LRRC4C: variants seen among roughly 807,000 people sequenced by gnomAD.
LRRC4C encodes leucine-rich repeat-containing protein 4C.
LRRC4C carries 5 observed loss-of-function variants against 33.6 expected under a neutral mutation model. The ratio of observed to expected loss-of-function variants is 0.15; its 90% CI spans 0.08 to 0.31. The LOEUF (loss-of-function observed/expected upper bound fraction) is 0.31, where lower values mean the gene tolerates loss of function less well. Ranked by LOEUF, LRRC4C falls within the 10% of genes least tolerant of loss-of-function variation. The pLI, the probability that LRRC4C is intolerant of heterozygous loss-of-function variation, is 1.00. For synonymous variants in LRRC4C, 329 were observed against 302.0 expected (o/e 1.09, Z -0.93); for missense variants, 560 against 796.7 (o/e 0.70, Z 3.58).
At position 40,562,885 on chromosome 11, in the gene LRRC4C, A is replaced by C. The variant is rs544638678; in HGVS notation, c.-270+85257T>G. Among the ~76,000 whole-genome samples the C allele has an allele frequency of 2.0e-5, 3 of 151,108 alleles. No homozygotes were observed. In the South Asian group the frequency reaches 6.3e-4, roughly 32 times the overall value. ...CCTCATGTCTGACTGAGGCTTTCTT[A>C]GCGTGGCACTCTGTGTGGGGCTCTT... On this transcript the variant is annotated intron_variant, in intron 3 of 6. Coordinates refer to ENST00000528697, the MANE Select transcript of LRRC4C (RefSeq NM_001258419.2).
At chr11:41,329,555 T>A (rs1353976028) in intron 1 of LRRC4C, among the ~76,000 whole-genome samples, 2 of 152,254 alleles carry the variant, frequency 1.3e-5, no homozygotes, top group African/African-American at 4.8e-5. Context: ...CACATTGTGG[T>A]GTTTTTCAAA....
intron 3 of LRRC4C, among the ~76,000 whole-genome samples, chr11:40,344,500 A>G (rs1164028902): frequency 6.6e-6 from 1 of 152,116 alleles, no homozygotes; most frequent in Non-Finnish European, 1.5e-5. Flanking sequence ...AAAAGAATAT[A>G]CTCCAAAATA....
rs201131448 is a variant in LRRC4C, at chr11:40,858,692, TAA to T, written c.-407+74941_-407+74942del. 9.1e-3 allele frequency among the ~76,000 whole-genome samples: 728 copies of T among 80,140 alleles called. 9 individuals carry two copies. The highest frequency in any genetic ancestry group is 0.036 in the African/African-American group (668 of 18,406). The allele number at this position is 80,140 out of a possible 152,430, so 52.6% of individuals were successfully genotyped here. A position where few individuals can be genotyped will look rare whatever the true frequency, so the allele number is the denominator to read the frequency against. ...CTGGTAACAGAGTGAGACTCCTTCT[TAA>T]AAAAAAAAAAAAAAAAAAAAAAAAG... On this transcript the variant is annotated intron_variant, in intron 2 of 6. Coordinates refer to ENST00000528697, the MANE Select transcript of LRRC4C (RefSeq NM_001258419.2).
intron 1 of LRRC4C, among the ~76,000 whole-genome samples, chr11:41,145,445 G>A (rs548801469): frequency 8.0e-6 from 1 of 125,030 alleles, no homozygotes; most frequent in Non-Finnish European, 1.9e-5. Context: ...GGTCAAAATT[G>A]TGCCTGCTGC....
chr11:40,218,648 A>ATCTATCTATCTATCTATCTG (rs1864164456), intron 5 of LRRC4C, among the ~76,000 whole-genome samples: 1 of 148,782 alleles, frequency 6.7e-6, no homozygotes, highest in South Asian at 2.1e-4. Context: ...CTATTTATCT[A>ATCTATCTATCTATCTATCTG]TCTATCATCT....
chr11:41,105,733 G>T (rs1247951160), intron 1 of LRRC4C, among the ~76,000 whole-genome samples: 2 of 152,060 alleles, frequency 1.3e-5, no homozygotes, highest in African/African-American at 4.8e-5. Flanking sequence ...GAGAGATTGT[G>T]TTGGAAATTT....
intron 2 of LRRC4C, among the ~76,000 whole-genome samples, chr11:40,932,783 A>G (rs1287391290): frequency 6.6e-6 from 1 of 152,158 alleles, no homozygotes; most frequent in Non-Finnish European, 1.5e-5. Context: ...GTTTGAGCCC[A>G]TGGAGAATAG....
At chr11:40,794,418 G>A (rs1445780671) in intron 2 of LRRC4C, among the ~76,000 whole-genome samples, 1 of 149,208 alleles carries the variant, frequency 6.7e-6, no homozygotes, top group East Asian at 2.0e-4. Context: ...GACAGGGATC[G>A]GAGGATAAAG....
intron 1 of LRRC4C, among the ~76,000 whole-genome samples, chr11:41,278,650 T>C (rs1310847185): frequency 2.0e-5 from 3 of 152,212 alleles, no homozygotes; most frequent in African/African-American, 4.8e-5. Context: ...TCTCGGACTT[T>C]GCATTTCCAT....
chr11:40,257,065 C>T (rs1411344392), intron 4 of LRRC4C, among the ~76,000 whole-genome samples: 1 of 152,058 alleles, frequency 6.6e-6, no homozygotes, highest in Non-Finnish European at 1.5e-5. Context: ...TGTTTTTTGG[C>T]TCTTGTATTT....
intron 1 of LRRC4C, among the ~76,000 whole-genome samples, chr11:41,209,390 G>A (rs1946728689): frequency 6.6e-6 from 1 of 151,754 alleles, no homozygotes; most frequent in Non-Finnish European, 1.5e-5. Flanking sequence ...TCTCACCGTT[G>A]TATTTTAGAA....
At chr11:40,366,740 C>T (rs1247859960) in intron 3 of LRRC4C, among the ~76,000 whole-genome samples, 1 of 151,944 alleles carries the variant, frequency 6.6e-6, no homozygotes, top group Non-Finnish European at 1.5e-5. Flanking sequence ...TAAAGGAAGA[C>T]AGACACAATG....
chr11:40,569,660 T>C (rs1957903730), intron 3 of LRRC4C, among the ~76,000 whole-genome samples: 1 of 152,140 alleles, frequency 6.6e-6, no homozygotes, highest in Non-Finnish European at 1.5e-5. Context: ...AGTTTGATGA[T>C]TAAATGATAT....
At chr11:41,170,480 G>A (rs982352579) in intron 1 of LRRC4C, among the ~76,000 whole-genome samples, 4 of 152,048 alleles carry the variant, frequency 2.6e-5, no homozygotes, top group Admixed American at 1.3e-4. Flanking sequence ...TCTTTGACAA[G>A]CCTGACAAAA....
intron 1 of LRRC4C, among the ~76,000 whole-genome samples, chr11:41,172,430 A>G (rs1414926754): frequency 6.6e-6 from 1 of 152,132 alleles, no homozygotes; most frequent in Non-Finnish European, 1.5e-5. Context: ...CAATCACAAA[A>G]CCATTCTGAG....
chr11:40,463,221 A>G (rs1240256540), intron 3 of LRRC4C, among the ~76,000 whole-genome samples: 1 of 152,042 alleles, frequency 6.6e-6, no homozygotes, highest in Non-Finnish European at 1.5e-5. Context: ...TATTAGAGGC[A>G]TAGAAGTACA....
intron 3 of LRRC4C, among the ~76,000 whole-genome samples, chr11:40,506,133 G>A (rs1020982509): frequency 6.6e-6 from 1 of 152,108 alleles, no homozygotes; most frequent in Admixed American, 6.6e-5. Flanking sequence ...ATTTGAACTT[G>A]CATTTAATGG....
chr11:41,022,130 T>A (rs1856022146), intron 1 of LRRC4C, among the ~76,000 whole-genome samples: 1 of 124,276 alleles, frequency 8.0e-6, no homozygotes, highest in Non-Finnish European at 1.7e-5. Context: ...TTTATGAGCT[T>A]ACAATTTTGT....
At chr11:40,367,294 A>G (rs746048398) in intron 3 of LRRC4C, among the ~76,000 whole-genome samples, 6 of 152,088 alleles carry the variant, frequency 3.9e-5, no homozygotes, top group Non-Finnish European at 7.4e-5. Context: ...CTACTGATAT[A>G]GAACAACACA....
Sources: allele counts gnomAD v4.1 joint callset (sites outside exome capture counted in the v4.1 genomes callset), GRCh38; gene constraint gnomAD v4.1.1; transcripts MANE v1.5; gene names NCBI Gene and HGNC (gene_info 2026-07-23, HGNC 2026-07-21).